The following PTPRT variants were observed in gnomAD, a reference collection of about 807,000 sequenced individuals.
PTPRT encodes receptor-type tyrosine-protein phosphatase T.
Under a neutral mutation model 176.8 loss-of-function variants are expected in PTPRT, and 56 were observed. The observed-to-expected ratio is 0.32, with a 90% CI of 0.26 to 0.40. The LOEUF (loss-of-function observed/expected upper bound fraction) is 0.40. Among genes scored for constraint, PTPRT ranks in the 10% least tolerant of loss-of-function variants. The probability of loss-of-function intolerance (pLI) is 1.00; values close to 1 mark genes in which losing one functional copy is unlikely to be tolerated. For missense variants in PTPRT, 1,540 were observed against 1,908.2 expected, an observed-to-expected ratio of 0.81 and a Z score of 3.60; for synonymous variants, 783 against 739.0, an observed-to-expected ratio of 1.06 and a Z score of -0.96.
At chr20:42,883,833 CCCCCATACACATAG>C (rs2079057691) in intron 2 of PTPRT, among the ~76,000 whole-genome samples, 1 of 8,106 alleles carries the variant, frequency 1.2e-4, no homozygotes, top group African/African-American at 6.2e-4. Context: ...CACACACACA[CCCCCATACACATAG>C]ACACACACCC....
intron 7 of PTPRT, among the ~76,000 whole-genome samples, chr20:42,676,735 C>G (rs1435265724): frequency 6.6e-6 from 1 of 152,034 alleles, no homozygotes; most frequent in Non-Finnish European, 1.5e-5. Context: ...CAAAAGTTTA[C>G]TTGGTGTGAA....
chr20:42,499,745 A>G (rs1253149287), intron 7 of PTPRT, among the ~76,000 whole-genome samples: 1 of 152,174 alleles, frequency 6.6e-6, no homozygotes, highest in Non-Finnish European at 1.5e-5. Flanking sequence ...AAATCATTGC[A>G]CACCTCCAAC....
intron 1 of PTPRT, among the ~76,000 whole-genome samples, chr20:42,961,291 T>C (rs189621297): frequency 2.0e-5 from 3 of 152,310 alleles, no homozygotes; most frequent in Admixed American, 2.0e-4. Context: ...TAAAGATTGC[T>C]ATGGTGCCTG....
chr20:43,188,014 G>C (rs994547261), intron 1 of PTPRT, among the ~76,000 whole-genome samples: 2 of 152,156 alleles, frequency 1.3e-5, no homozygotes, highest in Non-Finnish European at 2.9e-5. Context: ...ACCCAAGAAC[G>C]ATTCGAGACC....
At chr20:43,028,021 G>T (rs556189433) in intron 1 of PTPRT, among the ~76,000 whole-genome samples, 1 of 152,158 alleles carries the variant, frequency 6.6e-6, no homozygotes, top group African/African-American at 2.4e-5. Flanking sequence ...CCTGATACAG[G>T]CCAGAATTTT....
intron 1 of PTPRT, among the ~76,000 whole-genome samples, chr20:42,900,957 A>G (rs972060536): frequency 2.0e-5 from 3 of 152,124 alleles, no homozygotes; most frequent in African/African-American, 4.8e-5. Flanking sequence ...TTGCTCTCCC[A>G]GGACTGATTG....
chr20:42,815,757 C>A (rs912754793), intron 2 of PTPRT, among the ~76,000 whole-genome samples: 1 of 152,116 alleles, frequency 6.6e-6, no homozygotes, highest in Admixed American at 6.6e-5. Context: ...GTTGACAGGG[C>A]TTCTCATCAA....
At chr20:42,242,207 C>A (rs1284724414) in intron 14 of PTPRT, among the ~76,000 whole-genome samples, 1 of 152,160 alleles carries the variant, frequency 6.6e-6, no homozygotes, top group Non-Finnish European at 1.5e-5. Flanking sequence ...GCCTTGCCAC[C>A]CTCCTACCAC....
At chr20:42,798,934 C>T (rs560995243) in intron 2 of PTPRT, among the ~76,000 whole-genome samples, 2 of 151,896 alleles carry the variant, frequency 1.3e-5, no homozygotes, top group East Asian at 3.9e-4. Flanking sequence ...CTAATGCAAG[C>T]AGAGTCAGGC....
rs1209632836 is a variant in PTPRT at position 42,106,815 on chromosome 20, C to T, written c.3361G>A (p.Ala1121Thr). The change falls in exon 24 of 31, where the codon GCC (alanine) becomes ACC (threonine). Residue 1121 changes from alanine (A) to threonine (T), a missense_variant. By Grantham distance (58) the Ala-to-Thr change is moderately conservative (BLOSUM62 0). This residue lies in a region of PTPRT where 248 missense variants were observed against 356.7 expected (regional missense o/e 0.70). Coordinates refer to ENST00000373187, the MANE Select transcript of PTPRT (RefSeq NM_007050.6). ...DIFNCVRELR[A>T]QRVNLVQTEE... is the part of the protein sequence containing the mutation. ...GTCTGTACCAGGTTGACCCTTTGGG[C>T]CCGGAGCTCACGCACGCAGTTGAAG... 1 of 1,614,034 alleles carries T rather than the reference C, an allele frequency of 6.2e-7. No homozygotes were observed. The highest frequency in any genetic ancestry group is 8.5e-7 in the Non-Finnish European group (1 of 1,180,010).
chr20:42,452,078 G>A (rs188668973), intron 8 of PTPRT, among the ~76,000 whole-genome samples: 298 of 152,222 alleles, frequency 2.0e-3, no homozygotes, highest in African/African-American at 7.0e-3. Flanking sequence ...AGACCATCCT[G>A]GCCAACATGG....
chr20:42,609,140 C>T (rs2073931794), intron 7 of PTPRT, among the ~76,000 whole-genome samples: 1 of 152,068 alleles, frequency 6.6e-6, no homozygotes, highest in Non-Finnish European at 1.5e-5. Context: ...GTGGCGTGAT[C>T]TTGGCTCACT....
At chr20:42,454,639 T>C (rs2070889347) in intron 8 of PTPRT, among the ~76,000 whole-genome samples, 1 of 152,254 alleles carries the variant, frequency 6.6e-6, no homozygotes, top group East Asian at 1.9e-4. Flanking sequence ...GTTGCATATG[T>C]TTGATACTAA....
chr20:43,116,644 T>C (rs765761122), intron 1 of PTPRT, among the ~76,000 whole-genome samples: 13 of 152,194 alleles, frequency 8.5e-5, no homozygotes, highest in South Asian at 2.1e-4. Flanking sequence ...GCTGCCCCTC[T>C]GTGTTTCAGT....
intron 1 of PTPRT, among the ~76,000 whole-genome samples, chr20:42,919,462 C>G (rs1386660987): frequency 2.0e-5 from 3 of 152,128 alleles, no homozygotes; most frequent in African/African-American, 7.2e-5. Flanking sequence ...TGGGGCTGCC[C>G]CAGAGATGCC....
intron 1 of PTPRT, among the ~76,000 whole-genome samples, chr20:43,172,778 G>C (rs922996552): frequency 2.0e-5 from 3 of 152,126 alleles, no homozygotes; most frequent in Non-Finnish European, 4.4e-5. Flanking sequence ...GAGGCTCAAA[G>C]GGTTTAAGTA....
At chr20:42,064,008 G>C in the PTPRT span, 1 of 151,640 alleles carries the variant, frequency 6.6e-6, no homozygotes, top group Non-Finnish European at 1.5e-5. Context: ...ATTTGTAAGA[G>C]AGGAGTTTTC....
intron 7 of PTPRT, among the ~76,000 whole-genome samples, chr20:42,597,799 T>C (rs1458818198): frequency 6.6e-6 from 1 of 152,140 alleles, no homozygotes; most frequent in Non-Finnish European, 1.5e-5. Flanking sequence ...AACAGAGTAA[T>C]GCATATGGGT....
chr20:42,649,053 T>C (rs550165412), intron 7 of PTPRT, among the ~76,000 whole-genome samples: 85 of 152,054 alleles, frequency 5.6e-4, no homozygotes, highest in African/African-American at 2.0e-3. Flanking sequence ...TCTCATGACC[T>C]TGTGATCCGC....
Sources: allele counts gnomAD v4.1 joint callset (sites outside exome capture counted in the v4.1 genomes callset), GRCh38; gene constraint gnomAD v4.1.1; regional missense constraint gnomAD v4.1.1; transcripts MANE v1.5; gene names NCBI Gene and HGNC (gene_info 2026-07-23, HGNC 2026-07-21).